Variants in SCAF4 observed in about 807,000 individuals in gnomAD.
SCAF4 encodes the protein SR-related and CTD-associated factor 4.
SCAF4 carries 25 observed loss-of-function variants against 129.8 expected under a neutral mutation model. The ratio of observed to expected loss-of-function variants is 0.19; its 90% confidence interval spans 0.14 to 0.27. The LOEUF is 0.27. SCAF4 is among the 10% of genes least tolerant of loss of function. The pLI is 1.00. For synonymous variants in SCAF4, 551 were observed against 497.7 expected, an observed-to-expected ratio of 1.11 and a Z score of -1.43; for missense variants, 1,246 against 1,457.1, an observed-to-expected ratio of 0.86 and a Z score of 2.36.
rs930988422 is a variant in SCAF4, at chr21:31,701,031, A to G, written c.741T>C (p.Ala247=). The G allele has an allele frequency of 1.2e-5, 19 of 1,613,970 alleles. No homozygotes were observed. Among genetic ancestry groups the G allele is most frequent in the Non-Finnish European group, 1.4e-5 (16 of 1,180,020 alleles). Residue 247 remains alanine (A), a synonymous_variant, in exon 7 of 20, where the codon GCT becomes GCC. Transcript: ENST00000286835. ...TPTQPSEQKA[A]FPPPEQKTAF... The stretch of plus-strand genomic sequence containing the variant: ...CAGTTTTCTGTTCAGGTGGGGGGAA[A>G]GCAGCTTTTTGTTCAGATGGTTGTG...
intron 19 of SCAF4, chr21:31,684,833 TTC>T (rs1284237968): frequency 7.5e-6 from 4 of 536,894 alleles, no homozygotes; most frequent in African/African-American, 5.7e-5. Context: ...GTCTTTGAGA[TTC>T]TCTCTTGGTA....
At chr21:31,722,189 C>A (rs1429974369) in intron 1 of SCAF4, among the ~76,000 whole-genome samples, 2 of 152,118 alleles carry the variant, frequency 1.3e-5, no homozygotes, top group Non-Finnish European at 2.9e-5. Context: ...AGCAATCCAT[C>A]TTAATTGGAA....
chr21:31,706,925 G>A (rs1156962826), intron 1 of SCAF4: 7 of 307,428 alleles, frequency 2.3e-5, no homozygotes, highest in South Asian at 9.0e-5. Context: ...ATCCAGAGGA[G>A]TATTTTTATC....
intron 1 of SCAF4, among the ~76,000 whole-genome samples, chr21:31,731,193 G>T (rs1174164910): frequency 6.6e-6 from 1 of 151,970 alleles, no homozygotes; most frequent in African/African-American, 2.4e-5. Context: ...CAACAGGAGA[G>T]CTGAAGCCAC....
intron 1 of SCAF4, chr21:31,706,692 A>G (rs1213289218): frequency 7.1e-6 from 2 of 281,262 alleles, no homozygotes; most frequent in Non-Finnish European, 1.4e-5. Flanking sequence ...AAGGCAGCAG[A>G]AGTATAAATC....
intron 10 of SCAF4, 50 bp from the exon 11 acceptor site, chr21:31,694,339 G>T: frequency 2.6e-6 from 3 of 1,163,116 alleles, no homozygotes; most frequent in Non-Finnish European, 3.7e-6. Flanking sequence ...AAGTATAAAA[G>T]CAAGAGGACA....
Position 31,704,575 on chromosome 21 carries a change from T to C in SCAF4, c.160-649A>G, listed in dbSNP as rs527595233. Among the ~76,000 whole-genome samples, 9 of 152,050 alleles carry C rather than the reference T, an allele frequency of 5.9e-5. No individual in the cohort carries two copies. In the South Asian group the frequency reaches 1.9e-3, roughly 32 times the overall value. On this transcript the variant is annotated intron_variant, in intron 3 of 19. Transcript: ENST00000286835. ...GGTCTAACAACTCAGAAAATGGCTGTGTGCATCACTGTAACAACCGCAGAG... is the reference window on the plus strand; with the variant it reads ...GGTCTAACAACTCAGAAAATGGCTGCGTGCATCACTGTAACAACCGCAGAG...
rs542158854 is a variant in SCAF4 at position 31,717,095 on chromosome 21, C to T, written c.31-10738G>A. The stretch of plus-strand genomic sequence containing the variant: ...ATTCTTACATTATCCAACGGACATG[C>T]ATGTGGACTAGCATAAAGCAAAAAG... On this transcript the variant is annotated intron_variant, in intron 1 of 19. Coordinates refer to ENST00000286835, the MANE Select transcript of SCAF4 (RefSeq NM_020706.2). 2.2e-4 allele frequency among the ~76,000 whole-genome samples: 34 copies of T among 152,262 alleles called. No individual in the cohort carries two copies. The South Asian group carries it at 4.8e-3, about 21-fold the overall frequency.
At chr21:31,692,491 A>G (rs2050282785) in intron 12 of SCAF4, 42 bp from the exon 13 acceptor site, 4 of 1,325,978 alleles carry the variant, frequency 3.0e-6, no homozygotes, top group Non-Finnish European at 4.3e-6. Context: ...CACATTTGAT[A>G]ATGAGCAGCA....
At chr21:31,722,599 A>C (rs1321122540) in intron 1 of SCAF4, among the ~76,000 whole-genome samples, 1 of 152,200 alleles carries the variant, frequency 6.6e-6, no homozygotes, top group Admixed American at 6.5e-5. Context: ...TATAATAGAC[A>C]TTTACATTGA....
At chr21:31,721,731 T>C (rs1336164208) in intron 1 of SCAF4, among the ~76,000 whole-genome samples, 2 of 150,686 alleles carry the variant, frequency 1.3e-5, no homozygotes, top group South Asian at 2.1e-4. Context: ...AATTCTTTTT[T>C]TTTTTTTTTT....
chr21:31,676,289 C>T (rs749476993), intron 19 of SCAF4, among the ~76,000 whole-genome samples: 25 of 152,264 alleles, frequency 1.6e-4, no homozygotes, highest in Non-Finnish European at 3.1e-4. Context: ...ATTTCAAGTA[C>T]CCCACTCTTT....
At chr21:31,721,502 A>G (rs1451135221) in intron 1 of SCAF4, among the ~76,000 whole-genome samples, 3 of 152,172 alleles carry the variant, frequency 2.0e-5, no homozygotes, top group Non-Finnish European at 4.4e-5. Flanking sequence ...ATAGAGGAAC[A>G]CTCATGACAG....
Position 31,672,307 on chromosome 21 carries a change from A to T in SCAF4, c.2536T>A (p.Ser846Thr). Residue 846 changes from serine to threonine, a missense_variant, in exon 20 of 20, where the codon TCT becomes ACT. Coordinates refer to ENST00000286835, the MANE Select transcript of SCAF4 (RefSeq NM_020706.2). ...PGPVIGLQAP[S>T]TGLLGARPGL... ...GGCCGGGCGCCAAGAAGACCAGTAGATGGTGCCTGAAGTCCAATTACAGGA... is the reference window on the plus strand; with the variant it reads ...GGCCGGGCGCCAAGAAGACCAGTAGTTGGTGCCTGAAGTCCAATTACAGGA... 1 of 1,613,864 alleles carries T rather than the reference A, an allele frequency of 6.2e-7. No individual in the cohort carries two copies. Among genetic ancestry groups the T allele is most frequent in the Non-Finnish European group, 8.5e-7 (1 of 1,180,036 alleles).
In SCAF4 at chr21:31,701,109, A is replaced by T; in HGVS notation, c.663T>A (p.Asn221Lys). The T allele has an allele frequency of 6.2e-7, 1 of 1,613,932 alleles. No individual in the cohort carries two copies. Among genetic ancestry groups the T allele is most frequent in the Non-Finnish European group, 8.5e-7 (1 of 1,179,874 alleles). Residue 221 changes from asparagine to lysine, a missense_variant, in exon 7 of 20, where the codon AAT becomes AAA. This residue lies in a region of SCAF4 where 143 missense variants were observed against 161.0 expected (regional missense o/e 0.89). Coordinates refer to ENST00000286835, the MANE Select transcript of SCAF4 (RefSeq NM_020706.2). ...TAGCCTGAACCTGAGCCATCACAGCATTGTCAAGGGCAGGAGACTGTGGTT... is the reference window on the plus strand; with the variant it reads ...TAGCCTGAACCTGAGCCATCACAGCTTTGTCAAGGGCAGGAGACTGTGGTT... ...PPKPQSPALD[N>K]AVMAQVQAIT...
chr21:31,696,836 A>G, intron 7 of SCAF4, 86 bp from the exon 8 acceptor site: 2 of 1,136,618 alleles, frequency 1.8e-6, no homozygotes, highest in Non-Finnish European at 2.5e-6. Flanking sequence ...GATGTTTACC[A>G]CCATCTAGAA....
chr21:31,729,403 C>T (rs1474935358), intron 1 of SCAF4, among the ~76,000 whole-genome samples: 2 of 152,156 alleles, frequency 1.3e-5, no homozygotes, highest in Non-Finnish European at 2.9e-5. Context: ...GCTGTTCTAC[C>T]TCCTATTAAA....
At chr21:31,674,619 G>A (rs538255191) in intron 19 of SCAF4, among the ~76,000 whole-genome samples, 21 of 152,294 alleles carry the variant, frequency 1.4e-4, no homozygotes, top group African/African-American at 4.8e-4. Context: ...TTAGGTGGCA[G>A]AAGACTGGCA....
chr21:31,704,786 T>A (rs1254773658), intron 3 of SCAF4, among the ~76,000 whole-genome samples: 1 of 152,244 alleles, frequency 6.6e-6, no homozygotes, highest in Non-Finnish European at 1.5e-5. Flanking sequence ...TTATTTGTAC[T>A]TTGATGTACT....
Sources: allele counts gnomAD v4.1 joint callset (sites outside exome capture counted in the v4.1 genomes callset), GRCh38; gene constraint gnomAD v4.1.1; regional missense constraint gnomAD v4.1.1; transcripts MANE v1.5; gene names NCBI Gene and HGNC (gene_info 2026-07-23, HGNC 2026-07-21).